The following ZBBX variants were observed in gnomAD, a reference collection of about 807,000 sequenced individuals.
ZBBX encodes the protein zinc finger B-box domain containing, also known as zinc finger B-box domain-containing protein 1.
Under a neutral mutation model 108.5 loss-of-function variants are expected in ZBBX, and 101 were observed. The observed-to-expected ratio is 0.93, with a 90% CI of 0.79 to 1.10. The LOEUF (loss-of-function observed/expected upper bound fraction) is 1.10, where lower values mean the gene tolerates loss of function less well. Among genes scored for constraint, ZBBX ranks in the 50% least tolerant of loss-of-function variants. The pLI is 0.00. For missense variants in ZBBX, 1,009 were observed against 941.4 expected, an observed-to-expected ratio of 1.07 and a Z score of -0.94; for synonymous variants, 356 against 323.4, an observed-to-expected ratio of 1.10 and a Z score of -1.08.
At chr3:167,273,689 A>G (rs1258077145) in intron 20 of ZBBX, among the ~76,000 whole-genome samples, 2 of 152,052 alleles carry the variant, frequency 1.3e-5, no homozygotes, top group Non-Finnish European at 2.9e-5. Flanking sequence ...AGGTAACTGG[A>G]GCGGTACTTG....
chr3:167,322,189 T>A lies in ZBBX; in HGVS notation c.911A>T (p.Glu304Val). 6.8e-7 allele frequency: 1 copy of A among 1,478,462 alleles called. No homozygotes were observed. The highest frequency in any genetic ancestry group is 9.0e-7 in the Non-Finnish European group (1 of 1,110,070). 91.6% of individuals were successfully genotyped at this position (1,478,462 alleles called of 1,614,324 possible). A position where few individuals can be genotyped will look rare whatever the true frequency, so the allele number is the denominator to read the frequency against. The change falls in exon 12 of 22, where the codon GAA becomes GTA. Residue 304 changes from glutamate to valine, a missense_variant. Glu to Val is a moderately radical substitution (Grantham distance 121). Transcript: ENST00000675490. ...EVQTNLKIWR[E>V]PLNIELKEDI... ...TTCTTTAAGTTCAATATTAAGTGGT[T>A]CTCTCCAAATTTTCAGATTAGTCTG...
At chr3:167,193,884 A>C in the ZBBX span, among the ~76,000 whole-genome samples, 1 of 152,138 alleles carries the variant, frequency 6.6e-6, no homozygotes, top group South Asian at 2.1e-4. Context: ...ACAGAAACAC[A>C]AATATTGCAT....
intron 1 of ZBBX, among the ~76,000 whole-genome samples, chr3:167,391,475 G>C (rs1164685145): frequency 6.6e-6 from 1 of 151,912 alleles, no homozygotes; most frequent in Non-Finnish European, 1.5e-5. Context: ...GCCAGGTTTT[G>C]GTATCAGGAT....
At chr3:167,398,431 T>A (rs935281173) in intron 1 of ZBBX, among the ~76,000 whole-genome samples, 1 of 152,092 alleles carries the variant, frequency 6.6e-6, no homozygotes, top group Non-Finnish European at 1.5e-5. Flanking sequence ...AAATAAAATA[T>A]CTTCACTGCT....
chr3:167,191,934 T>TATATATAGAGAGAGAGAGAGAGAGAGAG, the ZBBX span, among the ~76,000 whole-genome samples: 16 of 130,220 alleles, frequency 1.2e-4, 1 homozygote, highest in African/African-American at 4.6e-4. Flanking sequence ...TATATATATA[T>TATATATAGAGAGAGAGAGAGAGAGAGAG]AGAGCAAGTT....
chr3:167,393,455 T>G (rs956759327), intron 1 of ZBBX, among the ~76,000 whole-genome samples: 2 of 151,896 alleles, frequency 1.3e-5, no homozygotes, highest in African/African-American at 4.8e-5. Context: ...TGATCTTGCT[T>G]ATTTTTTACC....
At chr3:167,385,681 A>C (rs1747890330) in intron 1 of ZBBX, among the ~76,000 whole-genome samples, 1 of 152,016 alleles carries the variant, frequency 6.6e-6, no homozygotes, top group East Asian at 1.9e-4. Context: ...TTCTAATTTT[A>C]AAACTGTTTT....
intron 20 of ZBBX, among the ~76,000 whole-genome samples, chr3:167,258,231 G>A (rs1306201722): frequency 1.3e-5 from 2 of 152,108 alleles, no homozygotes; most frequent in Non-Finnish European, 2.9e-5. Context: ...ATGGAAAACA[G>A]TGTGAAGATT....
At chr3:167,397,580 A>G (rs920113704) in intron 1 of ZBBX, among the ~76,000 whole-genome samples, 1 of 151,932 alleles carries the variant, frequency 6.6e-6, no homozygotes, top group African/African-American at 2.4e-5. Flanking sequence ...GCAAGAAGTC[A>G]GAGGGTAAGA....
At chr3:167,234,767 C>T in the ZBBX span, among the ~76,000 whole-genome samples, 1 of 151,612 alleles carries the variant, frequency 6.6e-6, no homozygotes, top group African/African-American at 2.4e-5. Context: ...GGAATAAAAC[C>T]CCAATTTTAT....
the ZBBX span, among the ~76,000 whole-genome samples, chr3:167,188,935 C>T: frequency 2.0e-5 from 3 of 152,104 alleles, no homozygotes; most frequent in Admixed American, 6.6e-5. Flanking sequence ...TAAAAAGACA[C>T]AGTAAGAATC....
At chr3:167,208,328 T>C in the ZBBX span, among the ~76,000 whole-genome samples, 1 of 152,188 alleles carries the variant, frequency 6.6e-6, no homozygotes, top group Non-Finnish European at 1.5e-5. Flanking sequence ...AGAAACCAGC[T>C]GAGGTGGCTA....
At chr3:167,351,485 C>T (rs563568885) in intron 8 of ZBBX, among the ~76,000 whole-genome samples, 1 of 152,252 alleles carries the variant, frequency 6.6e-6, no homozygotes, top group East Asian at 1.9e-4. Flanking sequence ...AGAAACAGGG[C>T]TTCCTGCTTG....
chr3:167,252,187 C>T, intron 20 of ZBBX: 1 of 1,289,600 alleles, frequency 7.8e-7, no homozygotes, highest in South Asian at 1.2e-5. Flanking sequence ...TTTCATAGAA[C>T]TTAGAAAGAA....
intron 10 of ZBBX, among the ~76,000 whole-genome samples, chr3:167,333,315 CTATTATAAATAT>C (rs1405651275): frequency 6.6e-6 from 1 of 151,854 alleles, no homozygotes; most frequent in Non-Finnish European, 1.5e-5. Flanking sequence ...ATCAATATGT[CTATTATAAATAT>C]ATAGACATGA....
chr3:167,372,334 T>C (rs900972336), intron 4 of ZBBX, among the ~76,000 whole-genome samples: 8 of 152,214 alleles, frequency 5.3e-5, no homozygotes, highest in African/African-American at 9.6e-5. Context: ...TACTCTCCCA[T>C]ACCCCTGCAA....
intron 12 of ZBBX, 111 bp from the exon 13 acceptor site, chr3:167,317,708 A>G (rs1209996141): frequency 8.0e-6 from 5 of 628,904 alleles, no homozygotes; most frequent in African/African-American, 7.5e-5. Context: ...ATTAATGATG[A>G]AACCGTAACT....
chr3:167,291,371 C>T (rs1013428518), intron 18 of ZBBX, among the ~76,000 whole-genome samples: 1 of 151,914 alleles, frequency 6.6e-6, no homozygotes, highest in African/African-American at 2.4e-5. Flanking sequence ...AGCAGATACC[C>T]TACAAGCAGA....
intron 11 of ZBBX, among the ~76,000 whole-genome samples, chr3:167,327,156 C>T (rs1334437515): frequency 6.9e-6 from 1 of 145,910 alleles, no homozygotes; most frequent in Non-Finnish European, 1.5e-5. Context: ...AAAAAAAGAA[C>T]GAAAAGTAGT....
Sources: gnomAD v4.1 joint callset for allele counts (sites outside exome capture counted in the v4.1 genomes callset) on GRCh38, gnomAD v4.1.1 for gene constraint, MANE v1.5 for transcripts, NCBI Gene and HGNC (gene_info 2026-07-23, HGNC 2026-07-21) for gene names.